CPLANE1: variants seen among roughly 807,000 people sequenced by gnomAD.
CPLANE1 encodes ciliogenesis and planar polarity effector complex subunit 1, also known as ciliogenesis and planar polarity effector 1.
Under a neutral mutation model 362.5 loss-of-function variants are expected in CPLANE1, and 263 were observed. The observed-to-expected ratio is 0.73, with a 90% CI of 0.66 to 0.80. The LOEUF is 0.80. Among genes scored for constraint, CPLANE1 ranks in the 30% least tolerant of loss-of-function variants. CPLANE1 has a pLI of 0.00. For synonymous variants in CPLANE1, 1,212 were observed against 1,302.6 expected (o/e 0.93, Z 1.50); for missense variants, 3,461 against 3,793.4 (o/e 0.91, Z 2.30).
Position 37,221,422 on chromosome 5 carries a change from C to T in CPLANE1, c.2648G>A (p.Ser883Asn). Residue 883 changes from serine to asparagine, a missense_variant, in exon 15 of 53, where the codon AGC becomes AAC. Ser to Asn is a conservative substitution (Grantham distance 46). Around this residue, in one of 2 missense-constraint regions of CPLANE1, gnomAD observed 3,380 missense variants for 3,666.1 expected, o/e 0.92. Transcript: ENST00000651892. ...YLSLLYCHLY[S>N]YNLNDAQGLC... is the part of the protein sequence containing the mutation. ...TCCTTGAGCATCATTTAAATTATAG[C>T]TATAGAGGTGGCAGTATAAGAGAGA... 1 of 1,536,450 alleles carries T rather than the reference C, an allele frequency of 6.5e-7. No individual in the cohort carries two copies. Among genetic ancestry groups the T allele is most frequent in the Admixed American group, 2.1e-5 (1 of 48,400 alleles).
Position 37,213,731 on chromosome 5 carries a change from AC to A in CPLANE1, c.2747del (p.Gly916ValfsTer21). 1 of 1,494,236 alleles carries A rather than the reference AC, an allele frequency of 6.7e-7. No homozygotes were observed. The highest frequency in any genetic ancestry group is 1.3e-5 in the South Asian group (1 of 74,152). 92.6% of individuals were successfully genotyped at this position (1,494,236 alleles called of 1,614,324 possible). On this transcript the variant is annotated frameshift_variant and splice_region_variant, in exon 16 of 53. Coordinates refer to ENST00000651892, the MANE Select transcript of CPLANE1 (RefSeq NM_001384732.1). ...CACACTCAAAATGAGACTTTGCAGC[AC>A]CTAAGGAATACAGCAATGACCTAAG... ...LPVKENKDFS[G>X]AAKSHFECGM...
chr5:37,170,058 T>C lies in CPLANE1; in HGVS notation c.6445A>G (p.Ser2149Gly). ...TACATTACCTGTACGTTTCCAGTACTATTTTGACCAGATGGGATAGTTCCT... is the reference window on the plus strand; with the variant it reads ...TACATTACCTGTACGTTTCCAGTACCATTTTGACCAGATGGGATAGTTCCT... ...HEGTIPSGQN[S>G]TGNVQNVPHG... Residue 2149 changes from serine to glycine, a missense_variant, in exon 33 of 53, where the codon AGT becomes GGT. Coordinates refer to ENST00000651892, the MANE Select transcript of CPLANE1 (RefSeq NM_001384732.1). 6.2e-7 allele frequency: 1 copy of C among 1,613,994 alleles called. No individual in the cohort carries two copies. The highest frequency in any genetic ancestry group is 8.5e-7 in the Non-Finnish European group (1 of 1,179,950).
intron 6 of CPLANE1, among the ~76,000 whole-genome samples, chr5:37,240,627 C>T (rs1166575905): frequency 6.6e-6 from 1 of 152,138 alleles, no homozygotes; most frequent in African/African-American, 2.4e-5. Context: ...GAGGGATCTG[C>T]CACCTTGACC....
chr5:37,117,766 G>A (rs1310060524), intron 50 of CPLANE1, among the ~76,000 whole-genome samples: 1 of 152,214 alleles, frequency 6.6e-6, no homozygotes, highest in South Asian at 2.1e-4. Context: ...GGAGTAGCAG[G>A]AGCACCTCCT....
chr5:37,188,805 C>G (rs1442347727), intron 21 of CPLANE1, among the ~76,000 whole-genome samples: 3 of 152,118 alleles, frequency 2.0e-5, no homozygotes, highest in Non-Finnish European at 4.4e-5. Context: ...AGATAATATT[C>G]TAAAATTTAG....
intron 48 of CPLANE1, 151 bp downstream of exon 48, chr5:37,122,279 C>A: frequency 1.5e-6 from 1 of 663,310 alleles, no homozygotes. Context: ...GCTAGTGAGT[C>A]TCATCATTTT....
chr5:37,087,689 CT>C, the CPLANE1 span, among the ~76,000 whole-genome samples: 10 of 152,200 alleles, frequency 6.6e-5, no homozygotes, highest in Non-Finnish European at 1.0e-4. Context: ...ATCTCCTGAC[CT>C]CGTGATCCAC....
the CPLANE1 span, among the ~76,000 whole-genome samples, chr5:37,095,883 C>T: frequency 6.6e-6 from 1 of 152,074 alleles, no homozygotes; most frequent in Admixed American, 6.6e-5. Flanking sequence ...AGGTGAAAGA[C>T]CTCTACAAGG....
chr5:37,098,390 C>CAAAAAAAAA, the CPLANE1 span, among the ~76,000 whole-genome samples: 2 of 37,626 alleles, frequency 5.3e-5, no homozygotes, highest in Admixed American at 3.5e-4. Flanking sequence ...AACTCCGTCT[C>CAAAAAAAAA]AAAAAAAAAA....
Position 37,107,084 on chromosome 5 carries a change from A to G in CPLANE1, c.*518T>C, listed in dbSNP as rs556117030. ...TCCATGAAACTTTGCTTATTTAGAG[A>G]TTCAGGGTTGGTAAAAGGTAGTTGG... is the stretch of plus-strand genomic sequence containing the variant. On this transcript the variant is annotated 3_prime_UTR_variant, in exon 53 of 53. Transcript: ENST00000651892. 4,644 of 985,418 alleles carry G rather than the reference A, an allele frequency of 4.7e-3. 17 individuals carry two copies. The highest frequency in any genetic ancestry group is 5.3e-3 in the Non-Finnish European group (4,407 of 829,934). 61.0% of individuals were successfully genotyped at this position (985,418 alleles called of 1,614,324 possible).
chr5:37,180,762 C>A, intron 27 of CPLANE1, 95 bp downstream of exon 27: 1 of 1,205,932 alleles, frequency 8.3e-7, no homozygotes, highest in Non-Finnish European at 1.2e-6. Flanking sequence ...AATGCTCATT[C>A]CTTTAACTTT....
rs10059431 is a variant in CPLANE1 at position 37,198,962 on chromosome 5, T to A, written c.3508-96A>T. On this transcript the variant is annotated intron_variant, in intron 19 of 52. Coordinates refer to ENST00000651892, the MANE Select transcript of CPLANE1 (RefSeq NM_001384732.1). ...AGATAGGCTAATGAGCTGAGCACAG[T>A]GGCTCACGCCTGTAATCCCAGCACT... 3.3e-3 allele frequency: 3,883 copies of A among 1,170,416 alleles called. 104 individuals carry two copies. The African/African-American group carries it at 0.051, about 15-fold the overall frequency. The allele number at this position is 1,170,416 out of a possible 1,614,324, so 72.5% of individuals were successfully genotyped here.
intron 9 of CPLANE1, among the ~76,000 whole-genome samples, chr5:37,228,612 T>G (rs936418663): frequency 6.6e-6 from 1 of 152,180 alleles, no homozygotes; most frequent in Non-Finnish European, 1.5e-5. Flanking sequence ...CATTATCTAG[T>G]TTTTAAAAAA....
chr5:37,153,228 C>T (rs772344682), intron 42 of CPLANE1, among the ~76,000 whole-genome samples: 1 of 152,032 alleles, frequency 6.6e-6, no homozygotes, highest in Admixed American at 6.5e-5. Context: ...TAAAATGTCC[C>T]AACAAACAAA....
chr5:37,157,972 A>G, intron 39 of CPLANE1, 104 bp from the exon 40 acceptor site: 2 of 833,736 alleles, frequency 2.4e-6, no homozygotes, highest in East Asian at 6.1e-5. Context: ...TTAATTCTTC[A>G]TTCTTATTAA....
rs539614352 is a variant in CPLANE1 at position 37,226,954 on chromosome 5, T to C, written c.1641A>G (p.Ala547=). 6 of 1,551,964 alleles carry C rather than the reference T, an allele frequency of 3.9e-6. No homozygotes were observed. The South Asian group carries it at 7.1e-5, about 18-fold the overall frequency. Residue 547 remains alanine, a synonymous_variant, in exon 12 of 53, where the codon GCA becomes GCG. Coordinates refer to ENST00000651892, the MANE Select transcript of CPLANE1 (RefSeq NM_001384732.1). Reference sequence around the variant, plus strand: ...TTGCATGTATCGTATCAAACATAGATGCAAATTCCAATCTTCCTTCCTTCA... The same window carrying C: ...TTGCATGTATCGTATCAAACATAGACGCAAATTCCAATCTTCCTTCCTTCA... ...SSMKEGRLEF[A]SMFDTIHAKD...
intron 15 of CPLANE1, among the ~76,000 whole-genome samples, 192 bp from the exon 16 acceptor site, chr5:37,213,924 T>C (rs1367497712): frequency 6.6e-6 from 1 of 152,152 alleles, no homozygotes; most frequent in South Asian, 2.1e-4. Flanking sequence ...ACAATTACAA[T>C]TGACCCTTGA....
At chr5:37,204,745 A>AT (rs1173939616) in intron 18 of CPLANE1, among the ~76,000 whole-genome samples, 19 of 113,212 alleles carry the variant, frequency 1.7e-4, no homozygotes, top group East Asian at 6.8e-4. Context: ...CTACTTTAAT[A>AT]TTTAAAAAAA....
In CPLANE1 at chr5:37,172,999, A is replaced by T. The variant is rs1034645737; in HGVS notation, c.6171+756T>A. 2.6e-5 allele frequency among the ~76,000 whole-genome samples: 4 copies of T among 152,116 alleles called. No individual in the cohort carries two copies. The East Asian group carries it at 5.8e-4, about 22-fold the overall frequency. On this transcript the variant is annotated intron_variant, in intron 32 of 52. Coordinates refer to ENST00000651892, the MANE Select transcript of CPLANE1 (RefSeq NM_001384732.1). ...ACTCCGTCTCAAAAAATAAAAATAT[A>T]AAAAAAATTTTTAAAAAGAAAATTA...
Sources: allele counts gnomAD v4.1 joint callset (sites outside exome capture counted in the v4.1 genomes callset), GRCh38; gene constraint gnomAD v4.1.1; regional missense constraint gnomAD v4.1.1; transcripts MANE v1.5; gene names NCBI Gene and HGNC (gene_info 2026-07-23, HGNC 2026-07-21).